DCUN1D4: variants seen among roughly 807,000 people sequenced by gnomAD.
DCUN1D4 encodes the protein DCN1-like protein 4.
In DCUN1D4, 22 loss-of-function variants were observed where a neutral mutation model predicts 47.9. That is an observed-to-expected ratio of 0.46 (90% CI 0.33 to 0.66). The LOEUF is 0.66. Among genes scored for constraint, DCUN1D4 ranks in the 30% least tolerant of loss-of-function variants. DCUN1D4 has a pLI of 0.02. For synonymous variants in DCUN1D4, 121 were observed against 112.2 expected (o/e 1.08, Z -0.50); for missense variants, 301 against 340.8 (o/e 0.88, Z 0.92).
At chr4:51,898,812 G>A (rs916625931) in intron 7 of DCUN1D4, among the ~76,000 whole-genome samples, 3 of 152,298 alleles carry the variant, frequency 2.0e-5, no homozygotes, top group South Asian at 2.1e-4. Flanking sequence ...TAAAAGCAGC[G>A]CATGATCCTT....
intron 3 of DCUN1D4, among the ~76,000 whole-genome samples, chr4:51,869,176 A>AT (rs991797052): frequency 2.5e-5 from 3 of 121,690 alleles, no homozygotes; most frequent in African/African-American, 9.0e-5. Context: ...AATAAAAAAA[A>AT]TAAAAAAAAA....
intron 5 of DCUN1D4, among the ~76,000 whole-genome samples, chr4:51,879,503 A>G (rs1054540798): frequency 6.6e-6 from 1 of 152,226 alleles, no homozygotes; most frequent in Admixed American, 6.5e-5. Context: ...GCTACTCAGG[A>G]GGCTGAGGCA....
the DCUN1D4 span, among the ~76,000 whole-genome samples, chr4:51,834,017 T>A: frequency 6.7e-6 from 1 of 148,224 alleles, no homozygotes; most frequent in Non-Finnish European, 1.5e-5. Context: ...GTTTTGGTGT[T>A]GAGCCATTTG....
chr4:51,837,444 G>A, the DCUN1D4 span, among the ~76,000 whole-genome samples: 6,316 of 151,798 alleles, frequency 0.042, 169 homozygotes, highest in Middle Eastern at 0.14. Flanking sequence ...GAGGCGGGCG[G>A]ATCACGAGGT....
chr4:51,890,590 C>A lies in DCUN1D4; in HGVS notation c.415-1170C>A, dbSNP rs530938172. Among the ~76,000 whole-genome samples the A allele has an allele frequency of 1.6e-4, 24 of 152,312 alleles. No homozygotes were observed. In the South Asian group the frequency reaches 5.0e-3, roughly 32 times the overall value. ...AGAGATAACCAGCTCTACAGAGTGGCTGGCAGAATGGTCCTAAGAAGGCCC... is the reference window on the plus strand; with the variant it reads ...AGAGATAACCAGCTCTACAGAGTGGATGGCAGAATGGTCCTAAGAAGGCCC... On this transcript the variant is annotated intron_variant, in intron 6 of 10. Transcript: ENST00000334635.
intron 5 of DCUN1D4, among the ~76,000 whole-genome samples, chr4:51,879,587 A>G (rs1387912471): frequency 6.6e-6 from 1 of 152,264 alleles, no homozygotes; most frequent in Non-Finnish European, 1.5e-5. Context: ...AGCCTGGGCG[A>G]CAGAGCAAGA....
chr4:51,859,739 A>G (rs1044769960), intron 1 of DCUN1D4, among the ~76,000 whole-genome samples: 2 of 149,942 alleles, frequency 1.3e-5, no homozygotes, highest in African/African-American at 2.5e-5. Flanking sequence ...TAGGCAAGCT[A>G]TTTATCAAGC....
chr4:51,869,389 T>C (rs1726519943), intron 3 of DCUN1D4, among the ~76,000 whole-genome samples: 1 of 152,134 alleles, frequency 6.6e-6, no homozygotes, highest in Admixed American at 6.5e-5. Flanking sequence ...GTGAAATAGC[T>C]ATATAAAAAG....
rs1289365140 is a variant in DCUN1D4 at position 51,899,342 on chromosome 4, T to A, written c.579T>A (p.Phe193Leu). Residue 193 changes from phenylalanine (F) to leucine (L), a missense_variant, in exon 8 of 11, where the codon TTT becomes TTA. Around this residue, in one of 2 missense-constraint regions of DCUN1D4, gnomAD observed 170 missense variants for 234.5 expected, o/e 0.73. Coordinates refer to ENST00000334635, the MANE Select transcript of DCUN1D4 (RefSeq NM_001040402.3). Reference protein sequence around the residue: ...LRSFLNDSTNFKLIYRYAFDF... With the variant: ...LRSFLNDSTNLKLIYRYAFDF... Reference sequence around the variant, plus strand: ...CATTCTTAAATGATTCTACAAACTTTAAACTTATTTACAGATATGCGTTTG... The same window carrying A: ...CATTCTTAAATGATTCTACAAACTTAAAACTTATTTACAGATATGCGTTTG... 1.1e-5 allele frequency: 17 copies of A among 1,608,608 alleles called. No individual in the cohort carries two copies. Among genetic ancestry groups the A allele is most frequent in the Admixed American group, 1.7e-5 (1 of 58,762 alleles).
chr4:51,901,473 A>C (rs1186467043), intron 8 of DCUN1D4, among the ~76,000 whole-genome samples: 1 of 152,180 alleles, frequency 6.6e-6, no homozygotes, highest in Admixed American at 6.5e-5. Flanking sequence ...ATGAAATTGC[A>C]CTAACGGTTG....
chr4:51,893,452 A>G (rs749511635), intron 7 of DCUN1D4, among the ~76,000 whole-genome samples: 15 of 150,930 alleles, frequency 9.9e-5, no homozygotes, highest in Non-Finnish European at 1.5e-4. Context: ...TTGAGACGGA[A>G]TGTCCCTCTG....
chr4:51,869,184 A>T (rs924651984), intron 3 of DCUN1D4, among the ~76,000 whole-genome samples: 1 of 151,818 alleles, frequency 6.6e-6, no homozygotes, highest in Non-Finnish European at 1.5e-5. Context: ...AAATAAAAAA[A>T]AATGAGTAGG....
At chr4:51,836,808 T>C in the DCUN1D4 span, among the ~76,000 whole-genome samples, 1 of 152,186 alleles carries the variant, frequency 6.6e-6, no homozygotes, top group African/African-American at 2.4e-5. Flanking sequence ...TCTCCCAGAA[T>C]GCTTCACTTT....
chr4:51,837,508 A>G, the DCUN1D4 span, among the ~76,000 whole-genome samples: 1 of 151,876 alleles, frequency 6.6e-6, no homozygotes, highest in Non-Finnish European at 1.5e-5. Flanking sequence ...ACAAAGAATT[A>G]GCCGGGCGCA....
At chr4:51,868,404 C>T (rs1361110322) in intron 3 of DCUN1D4, among the ~76,000 whole-genome samples, 1 of 152,248 alleles carries the variant, frequency 6.6e-6, no homozygotes, top group East Asian at 1.9e-4. Context: ...ATCAGTATGA[C>T]ATGCTGGTTT....
chr4:51,907,073 A>G (rs776519198), intron 8 of DCUN1D4, among the ~76,000 whole-genome samples: 3 of 152,220 alleles, frequency 2.0e-5, no homozygotes, highest in Non-Finnish European at 4.4e-5. Context: ...ATTAGAAATA[A>G]TTGTTGAATT....
chr4:51,867,993 T>C (rs974472061), intron 3 of DCUN1D4, among the ~76,000 whole-genome samples: 1 of 152,214 alleles, frequency 6.6e-6, no homozygotes, highest in Non-Finnish European at 1.5e-5. Flanking sequence ...GCCCAAAGTT[T>C]GAAGGGGGCT....
chr4:51,877,519 CTGAT>C (rs1727889052), intron 4 of DCUN1D4: 1 of 301,104 alleles, frequency 3.3e-6, no homozygotes, highest in Admixed American at 4.8e-5. Flanking sequence ...TCAGTTCTTA[CTGAT>C]TATTTGTTAA....
chr4:51,848,456 G>A, intron 1 of DCUN1D4: 1 of 929,374 alleles, frequency 1.1e-6, no homozygotes, highest in South Asian at 3.9e-5. Flanking sequence ...TATTTCTTAA[G>A]TTAACAATAT....
Sources: allele counts gnomAD v4.1 joint callset (sites outside exome capture counted in the v4.1 genomes callset), GRCh38; gene constraint gnomAD v4.1.1; regional missense constraint gnomAD v4.1.1; transcripts MANE v1.5; gene names NCBI Gene and HGNC (gene_info 2026-07-23, HGNC 2026-07-21).